STRN3: variants seen among roughly 807,000 people sequenced by gnomAD.
STRN3 encodes striatin-3.
A neutral mutation model predicts 95.6 loss-of-function variants in STRN3; 29 were observed. That is an observed-to-expected ratio of 0.30 (90% CI 0.23 to 0.41). The LOEUF (loss-of-function observed/expected upper bound fraction) is 0.41, where lower values mean the gene tolerates loss of function less well. Among genes scored for constraint, STRN3 ranks in the 10% least tolerant of loss-of-function variants. The probability of loss-of-function intolerance (pLI) is 1.00; values close to 1 mark genes in which losing one functional copy is unlikely to be tolerated. For missense variants in STRN3, 890 were observed against 972.1 expected, an observed-to-expected ratio of 0.92 and a Z score of 1.12; for synonymous variants, 331 against 357.6, an observed-to-expected ratio of 0.93 and a Z score of 0.84.
intron 9 of STRN3, among the ~76,000 whole-genome samples, chr14:30,913,978 T>C (rs1896672261): frequency 3.3e-5 from 5 of 152,170 alleles, no homozygotes; most frequent in Admixed American, 3.3e-4. Flanking sequence ...AAATAAGAAA[T>C]AGGACAAATT....
intron 1 of STRN3, among the ~76,000 whole-genome samples, chr14:30,974,834 GA>G (rs1881011689): frequency 6.6e-6 from 1 of 151,106 alleles, no homozygotes; most frequent in South Asian, 2.1e-4. Flanking sequence ...CAAACAGAAG[GA>G]AACATTTCAT....
At chr14:30,902,466 C>T (rs1403521953) in intron 16 of STRN3, 70 bp downstream of exon 16, 1 of 1,072,518 alleles carries the variant, frequency 9.3e-7, no homozygotes, top group Admixed American at 2.5e-5. Flanking sequence ...ATATATCTTA[C>T]ATAAAACAGC....
At chr14:31,006,787 G>T (rs1882738705) in intron 1 of STRN3, among the ~76,000 whole-genome samples, 1 of 152,154 alleles carries the variant, frequency 6.6e-6, no homozygotes, top group Non-Finnish European at 1.5e-5. Flanking sequence ...AAAGAGACAT[G>T]AAAGTTCAAA....
intron 1 of STRN3, among the ~76,000 whole-genome samples, chr14:30,971,240 C>T (rs1318027594): frequency 2.0e-5 from 3 of 152,214 alleles, no homozygotes; most frequent in African/African-American, 7.2e-5. Flanking sequence ...TGAAGTGGCA[C>T]TTGTGCTTTA....
intron 1 of STRN3, among the ~76,000 whole-genome samples, chr14:30,974,686 C>T (rs1017791041): frequency 7.3e-5 from 11 of 151,526 alleles, no homozygotes; most frequent in Non-Finnish European, 1.6e-4. Context: ...CGCCTGTAGT[C>T]TCAGCTACTC....
In STRN3 at chr14:30,895,207, T is replaced by C. The variant is rs1031978595; in HGVS notation, c.*204A>G. 7.2e-5 allele frequency: 42 copies of C among 584,108 alleles called. 3 individuals are homozygous for C. In the South Asian group the frequency reaches 1.3e-3, roughly 17 times the overall value. 36.2% of individuals were successfully genotyped at this position (584,108 alleles called of 1,614,324 possible). On this transcript the variant is annotated 3_prime_UTR_variant, in exon 18 of 18. Transcript: ENST00000357479. ...AGGCCACAAATACTGGAGTCCTTTT[T>C]TCTTTGTCCCACAAAATACAGTAAT... is the stretch of plus-strand genomic sequence containing the variant.
At chr14:30,959,495 A>G (rs912197838) in intron 1 of STRN3, among the ~76,000 whole-genome samples, 25 of 151,886 alleles carry the variant, frequency 1.6e-4, no homozygotes, top group African/African-American at 5.6e-4. Context: ...GGTAAAGGTT[A>G]TACCTGATAG....
chr14:31,012,913 A>G (rs901097748), intron 1 of STRN3, among the ~76,000 whole-genome samples: 1 of 151,762 alleles, frequency 6.6e-6, no homozygotes, highest in African/African-American at 2.4e-5. Context: ...AAAAAAAAGT[A>G]AGGATGCTCT....
At chr14:31,014,346 G>A (rs369820540) in intron 1 of STRN3, among the ~76,000 whole-genome samples, 56 of 151,642 alleles carry the variant, frequency 3.7e-4, no homozygotes, top group Non-Finnish European at 7.2e-4. Context: ...TCAGCCTCCC[G>A]AGTAGCTGGA....
chr14:30,924,287 C>CTTTTTTTTTTTTTTT lies in STRN3; in HGVS notation c.1099+4899_1099+4913dup, dbSNP rs71112354. Among the ~76,000 whole-genome samples the CTTTTTTTTTTTTTTT allele has an allele frequency of 8.9e-3, 684 of 77,230 alleles. 161 individuals carry two copies. The highest frequency in any genetic ancestry group is 0.022 in the African/African-American group (413 of 18,660). The allele number at this position is 77,230 out of a possible 152,430, so 50.7% of individuals were successfully genotyped here. On this transcript the variant is annotated intron_variant, in intron 8 of 17. Coordinates refer to ENST00000357479, the MANE Select transcript of STRN3 (RefSeq NM_001083893.2). Reference sequence around the variant, plus strand: ...AGGTACAATGGCTCATGCCTTAAATCTTTTTTTTTTTTTTTTTTTTGAGAT... The same window carrying CTTTTTTTTTTTTTTT: ...AGGTACAATGGCTCATGCCTTAAATCTTTTTTTTTTTTTTTTTTTTTTTTTTTTTTTTTTTGAGAT...
chr14:30,945,143 G>A (rs1879297041), intron 5 of STRN3, among the ~76,000 whole-genome samples: 1 of 152,144 alleles, frequency 6.6e-6, no homozygotes, highest in Non-Finnish European at 1.5e-5. Context: ...TTCATCAAAA[G>A]TATATCTGTT....
chr14:30,993,680 A>G (rs1352497330), intron 1 of STRN3, among the ~76,000 whole-genome samples: 1 of 139,224 alleles, frequency 7.2e-6, no homozygotes, highest in Non-Finnish European at 1.6e-5. Context: ...TGTAACTTTC[A>G]TATACTTCTA....
intron 9 of STRN3, 79 bp from the exon 10 acceptor site, chr14:30,913,736 T>G: frequency 2.1e-6 from 3 of 1,456,040 alleles, no homozygotes; most frequent in Non-Finnish European, 2.8e-6. Context: ...ATTTAAGCAC[T>G]TAACAGTTAC....
At chr14:30,970,001 G>T (rs1179199564) in intron 1 of STRN3, among the ~76,000 whole-genome samples, 1 of 152,144 alleles carries the variant, frequency 6.6e-6, no homozygotes, top group African/African-American at 2.4e-5. Context: ...ACCCCCTCCA[G>T]TCATGGACCA....
At chr14:31,012,994 C>A (rs1883040552) in intron 1 of STRN3, among the ~76,000 whole-genome samples, 2 of 151,984 alleles carry the variant, frequency 1.3e-5, no homozygotes, top group African/African-American at 4.8e-5. Context: ...CATAGTGGTT[C>A]ATGCCTATAA....
intron 7 of STRN3, among the ~76,000 whole-genome samples, chr14:30,931,045 A>C (rs1352685302): frequency 6.6e-6 from 1 of 152,178 alleles, no homozygotes; most frequent in South Asian, 2.1e-4. Flanking sequence ...AAAACTGTGA[A>C]TAGCTCTAAC....
chr14:30,899,628 C>G (rs1313735015), intron 16 of STRN3, among the ~76,000 whole-genome samples: 1 of 152,038 alleles, frequency 6.6e-6, no homozygotes, highest in African/African-American at 2.4e-5. Context: ...ACCACTGCAC[C>G]TCTGCTCAAA....
At chr14:30,995,621 T>G (rs1422683547) in intron 1 of STRN3, among the ~76,000 whole-genome samples, 1 of 152,126 alleles carries the variant, frequency 6.6e-6, no homozygotes, top group Non-Finnish European at 1.5e-5. Context: ...ACAGCTCAGT[T>G]TTTCCAAAAC....
intron 1 of STRN3, among the ~76,000 whole-genome samples, chr14:30,981,376 C>G (rs1160986991): frequency 6.6e-6 from 1 of 152,038 alleles, no homozygotes; most frequent in East Asian, 1.9e-4. Flanking sequence ...TGTTAATGGT[C>G]AACTAAAATT....
Sources: gnomAD v4.1 joint callset for allele counts (sites outside exome capture counted in the v4.1 genomes callset) on GRCh38, gnomAD v4.1.1 for gene constraint, MANE v1.5 for transcripts, NCBI Gene and HGNC (gene_info 2026-07-23, HGNC 2026-07-21) for gene names.